The following FRMD5 variants were observed in gnomAD, a reference collection of about 807,000 sequenced individuals.
FRMD5 encodes the protein FERM domain containing 5, also known as FERM domain-containing protein 5.
FRMD5 carries 20 observed loss-of-function variants against 69.0 expected under a neutral mutation model. The observed-to-expected ratio is 0.29, with a 90% CI of 0.20 to 0.42. The LOEUF (loss-of-function observed/expected upper bound fraction) is 0.42, where lower values mean the gene tolerates loss of function less well. FRMD5 is among the 10% of genes least tolerant of loss of function. The probability of loss-of-function intolerance (pLI) is 1.00; values close to 1 mark genes in which losing one functional copy is unlikely to be tolerated. For synonymous variants in FRMD5, 271 were observed against 260.1 expected (o/e 1.04, Z -0.40); for missense variants, 595 against 708.6 (o/e 0.84, Z 1.82).
intron 1 of FRMD5, among the ~76,000 whole-genome samples, chr15:43,947,398 T>C (rs961765394): frequency 6.6e-6 from 1 of 152,188 alleles, no homozygotes; most frequent in Admixed American, 6.5e-5. Flanking sequence ...GCTGATAACT[T>C]TGAGTTTGGC....
At chr15:43,884,917 C>G in intron 11 of FRMD5, 122 bp from the exon 12 acceptor site, 1 of 819,458 alleles carries the variant, frequency 1.2e-6, no homozygotes, top group Non-Finnish European at 2.0e-6. Context: ...CACCCTTTCC[C>G]TGATGTTTTG....
intron 1 of FRMD5, among the ~76,000 whole-genome samples, chr15:43,975,779 A>T (rs2090453054): frequency 6.6e-6 from 1 of 152,228 alleles, no homozygotes; most frequent in South Asian, 2.1e-4. Flanking sequence ...GAATTCTAAA[A>T]TTCATGTGGC....
intron 1 of FRMD5, among the ~76,000 whole-genome samples, chr15:44,045,824 T>G (rs990638218): frequency 3.9e-5 from 6 of 152,202 alleles, no homozygotes; most frequent in African/African-American, 1.4e-4. Context: ...AACAGCTGAC[T>G]TTAATATCAG....
At chr15:44,173,312 T>A (rs1261468216) in intron 1 of FRMD5, among the ~76,000 whole-genome samples, 1 of 151,984 alleles carries the variant, frequency 6.6e-6, no homozygotes, top group African/African-American at 2.4e-5. Context: ...ATGTAGAAAA[T>A]AAAAACTATT....
At chr15:43,928,581 G>C (rs1220280402) in intron 1 of FRMD5, among the ~76,000 whole-genome samples, 1 of 152,214 alleles carries the variant, frequency 6.6e-6, no homozygotes, top group African/African-American at 2.4e-5. Flanking sequence ...TCCTGGGCTT[G>C]TGGATCCCCT....
chr15:43,952,276 C>A (rs2090048200), intron 1 of FRMD5, among the ~76,000 whole-genome samples: 1 of 152,120 alleles, frequency 6.6e-6, no homozygotes, highest in African/African-American at 2.4e-5. Context: ...TGGAGCAACA[C>A]CAGTATTTAT....
chr15:44,045,261 T>C (rs1371486484), intron 1 of FRMD5, among the ~76,000 whole-genome samples: 1 of 152,232 alleles, frequency 6.6e-6, no homozygotes, highest in Non-Finnish European at 1.5e-5. Flanking sequence ...GTCCAGGAAG[T>C]AAATAATTAG....
rs1219237134 is a variant in FRMD5 at position 43,871,329 on chromosome 15, G to C, written c.*2556C>G. ...AATGGCATAGACTACTGTACTGTTA[G>C]AACTCTAGACACAAGGAACATACTA... On this transcript the variant is annotated 3_prime_UTR_variant, in exon 14 of 14. Transcript: ENST00000417257. 2.0e-5 allele frequency: 3 copies of C among 152,172 alleles called. No individual in the cohort carries two copies. Among genetic ancestry groups the C allele is most frequent in the African/African-American group, 7.2e-5 (3 of 41,442 alleles). The allele number at this position is 152,172 out of a possible 1,614,324, so 9.4% of individuals were successfully genotyped here. A position where few individuals can be genotyped will look rare whatever the true frequency, so the allele number is the denominator to read the frequency against.
chr15:43,969,848 G>A (rs1336560671), intron 1 of FRMD5, among the ~76,000 whole-genome samples: 1 of 152,158 alleles, frequency 6.6e-6, no homozygotes. Flanking sequence ...CTGGAGGTAA[G>A]AACTATACTG....
At chr15:44,192,958 A>G (rs1038998037) in intron 1 of FRMD5, among the ~76,000 whole-genome samples, 3 of 152,258 alleles carry the variant, frequency 2.0e-5, no homozygotes, top group Non-Finnish European at 4.4e-5. Flanking sequence ...AAATGAGAGC[A>G]GTAGGAAAAT....
At chr15:44,126,001 T>C (rs771544549) in intron 1 of FRMD5, among the ~76,000 whole-genome samples, 4 of 152,200 alleles carry the variant, frequency 2.6e-5, no homozygotes, top group Non-Finnish European at 4.4e-5. Context: ...ACCTTTCACT[T>C]GAAGAAATTC....
chr15:43,919,649 A>C (rs778804147), intron 3 of FRMD5, 112 bp from the exon 4 acceptor site: 136 of 1,437,426 alleles, frequency 9.5e-5, no homozygotes, highest in Non-Finnish European at 1.1e-4. Context: ...ATTTAGGGCC[A>C]ACTTATACTC....
At chr15:43,925,828 G>T (rs139310457) in intron 1 of FRMD5, among the ~76,000 whole-genome samples, 161 of 152,250 alleles carry the variant, frequency 1.1e-3, no homozygotes, top group African/African-American at 3.7e-3. Context: ...CCTATTTTTT[G>T]AGGACTCAGC....
At chr15:44,060,715 G>T (rs2140377969) in intron 1 of FRMD5, among the ~76,000 whole-genome samples, 1 of 152,084 alleles carries the variant, frequency 6.6e-6, no homozygotes, top group East Asian at 1.9e-4. Flanking sequence ...TATGACGACT[G>T]CCTAAAAAAA....
At chr15:43,875,361 A>AAAAAT (rs2088306064) in intron 13 of FRMD5, among the ~76,000 whole-genome samples, 1 of 104,320 alleles carries the variant, frequency 9.6e-6, no homozygotes, top group African/African-American at 3.6e-5. Flanking sequence ...AAAAAAAAAA[A>AAAAAT]AAATATATAT....
intron 1 of FRMD5, among the ~76,000 whole-genome samples, chr15:43,978,999 G>T (rs2090507426): frequency 6.6e-6 from 1 of 152,160 alleles, no homozygotes; most frequent in Admixed American, 6.5e-5. Context: ...TTGTACTTTT[G>T]AGGACAACAC....
intron 1 of FRMD5, among the ~76,000 whole-genome samples, chr15:44,132,795 T>C (rs138783420): frequency 9.2e-4 from 140 of 151,742 alleles, no homozygotes; most frequent in African/African-American, 3.3e-3. Context: ...TCTCGCCCTG[T>C]TGCCCAGGCT....
chr15:44,135,846 A>G (rs997929050), intron 1 of FRMD5, among the ~76,000 whole-genome samples: 1 of 150,440 alleles, frequency 6.6e-6, no homozygotes, highest in Non-Finnish European at 1.5e-5. Flanking sequence ...AAAAAAAACT[A>G]CAAATCAAAG....
intron 1 of FRMD5, among the ~76,000 whole-genome samples, chr15:44,013,895 T>C (rs894619729): frequency 4.7e-5 from 7 of 147,596 alleles, no homozygotes; most frequent in African/African-American, 1.7e-4. Flanking sequence ...CTCACTCTGT[T>C]GCCCAGGCTG....
Sources: allele counts gnomAD v4.1 joint callset (sites outside exome capture counted in the v4.1 genomes callset), GRCh38; gene constraint gnomAD v4.1.1; transcripts MANE v1.5; gene names NCBI Gene and HGNC (gene_info 2026-07-23, HGNC 2026-07-21).